Variants in SGK3 observed in about 807,000 individuals in gnomAD.
The protein encoded by SGK3 is serine/threonine-protein kinase Sgk3.
In SGK3, 47 loss-of-function variants were observed where a neutral mutation model predicts 68.5. The ratio of observed to expected loss-of-function variants is 0.69; its 90% CI spans 0.54 to 0.87. SGK3 has a LOEUF of 0.87. Ranked by LOEUF, SGK3 falls within the 40% of genes least tolerant of loss-of-function variation. SGK3 has a pLI of 0.00. For missense variants in SGK3, 479 were observed against 575.5 expected, an observed-to-expected ratio of 0.83 and a Z score of 1.72; for synonymous variants, 181 against 189.1, an observed-to-expected ratio of 0.96 and a Z score of 0.35.
chr8:66,727,187 G>C (rs373329025), intron 1 of SGK3, among the ~76,000 whole-genome samples: 56 of 152,070 alleles, frequency 3.7e-4, no homozygotes, highest in African/African-American at 1.3e-3. Flanking sequence ...CTGCAGCCTC[G>C]ATCTCCTAGG....
chr8:66,846,222 A>G (rs997632548), intron 14 of SGK3, among the ~76,000 whole-genome samples: 3 of 152,126 alleles, frequency 2.0e-5, no homozygotes, highest in African/African-American at 7.2e-5. Flanking sequence ...ACATATTACA[A>G]CCTTGCAGAT....
At chr8:66,779,564 ATATAT>A (rs1208199717) in intron 1 of SGK3, among the ~76,000 whole-genome samples, 4 of 28,152 alleles carry the variant, frequency 1.4e-4, no homozygotes, top group Non-Finnish European at 3.0e-4. Flanking sequence ...GTGTGTGAAT[ATATAT>A]ATATATATAT....
intron 1 of SGK3, among the ~76,000 whole-genome samples, chr8:66,738,588 T>A (rs1805390321): frequency 2.0e-5 from 3 of 151,980 alleles, no homozygotes; most frequent in Admixed American, 2.0e-4. Flanking sequence ...TGGAATACTG[T>A]CCTTCTGTTG....
At chr8:66,825,161 C>T (rs749287530) in intron 6 of SGK3, among the ~76,000 whole-genome samples, 10 of 152,066 alleles carry the variant, frequency 6.6e-5, no homozygotes, top group South Asian at 2.1e-4. Context: ...TGGGTTCTGC[C>T]GCTGTTGGCT....
intron 1 of SGK3, among the ~76,000 whole-genome samples, chr8:66,745,399 G>A (rs374069775): frequency 1.3e-5 from 2 of 151,816 alleles, no homozygotes; most frequent in Non-Finnish European, 2.9e-5. Flanking sequence ...GTGAAACCCC[G>A]TCTCTACTAA....
chr8:66,843,564 C>CAA lies in SGK3; in HGVS notation c.1074+17_1074+18insAA. The CAA allele has an allele frequency of 6.2e-7, 1 of 1,600,258 alleles. No individual in the cohort carries two copies. Among genetic ancestry groups the CAA allele is most frequent in the Non-Finnish European group, 8.5e-7 (1 of 1,170,116 alleles). Reference sequence around the variant, plus strand: ...TATGGATTGGTATGTATTTCTATACCTCATTATTCCAATGTATTATCATTG... The same window carrying CAA: ...TATGGATTGGTATGTATTTCTATACCAATCATTATTCCAATGTATTATCATTG... On this transcript the variant is annotated intron_variant, in intron 14 of 16. Coordinates refer to ENST00000521198, the MANE Select transcript of SGK3 (RefSeq NM_001033578.3).
chr8:66,781,325 T>C (rs923066935), intron 1 of SGK3, among the ~76,000 whole-genome samples: 1 of 152,164 alleles, frequency 6.6e-6, no homozygotes, highest in Non-Finnish European at 1.5e-5. Flanking sequence ...TTTAGGGCCT[T>C]CCTCCTTATC....
chr8:66,763,651 C>T (rs1468230755), intron 1 of SGK3, among the ~76,000 whole-genome samples: 1 of 151,768 alleles, frequency 6.6e-6, no homozygotes, highest in Non-Finnish European at 1.5e-5. Context: ...TATGAATATA[C>T]ATATATTTAT....
chr8:66,800,952 C>T (rs1807920051), intron 3 of SGK3, among the ~76,000 whole-genome samples: 1 of 152,100 alleles, frequency 6.6e-6, no homozygotes, highest in Admixed American at 6.5e-5. Flanking sequence ...GCCACTACAC[C>T]CTTGAGACCC....
chr8:66,745,204 CTT>C (rs1805619260), intron 1 of SGK3, among the ~76,000 whole-genome samples: 1 of 151,480 alleles, frequency 6.6e-6, no homozygotes, highest in Non-Finnish European at 1.5e-5. Flanking sequence ...CACTTTGATC[CTT>C]TATGTTAGAG....
At chr8:66,822,540 A>G in intron 6 of SGK3, 81 bp downstream of exon 6, 1 of 1,317,274 alleles carries the variant, frequency 7.6e-7, no homozygotes, top group Non-Finnish European at 1.1e-6. Context: ...ACTTACTTCA[A>G]ATGAAGTAAT....
Position 66,806,420 on chromosome 8 carries a change from G to A in SGK3, c.253+1973G>A, listed in dbSNP as rs560544578. Among the ~76,000 whole-genome samples, 4 of 152,288 alleles carry A rather than the reference G, an allele frequency of 2.6e-5. No individual in the cohort carries two copies. The South Asian group carries it at 8.3e-4, about 32-fold the overall frequency. ...AACCCATTAATAAAGAGAAGCAAGAGAAAATTGAGTTGGCACAACAAAGCC... is the reference window on the plus strand; with the variant it reads ...AACCCATTAATAAAGAGAAGCAAGAAAAAATTGAGTTGGCACAACAAAGCC... On this transcript the variant is annotated intron_variant, in intron 4 of 16. Transcript: ENST00000521198.
chr8:66,743,734 C>A (rs923696435), intron 1 of SGK3, among the ~76,000 whole-genome samples: 3 of 152,236 alleles, frequency 2.0e-5, no homozygotes, highest in Non-Finnish European at 4.4e-5. Flanking sequence ...ATTGGCCAGG[C>A]TGGTCTCGAA....
intron 8 of SGK3, 27 bp from the exon 9 acceptor site, chr8:66,835,736 G>C: frequency 6.3e-7 from 1 of 1,596,598 alleles, no homozygotes. Flanking sequence ...ATTTCTAATA[G>C]TATACACTAA....
At chr8:66,816,253 T>G (rs1243732191) in intron 5 of SGK3, among the ~76,000 whole-genome samples, 2 of 151,876 alleles carry the variant, frequency 1.3e-5, no homozygotes, top group Admixed American at 1.3e-4. Flanking sequence ...CTGCCCGCCT[T>G]GGCCTCCCAA....
In SGK3 at chr8:66,722,262, G is replaced by GATGTTT. The variant is rs1804815812; in HGVS notation, c.-122+9430_-122+9435dup. 4.6e-5 allele frequency among the ~76,000 whole-genome samples: 7 copies of GATGTTT among 152,162 alleles called. No homozygotes were observed. In the South Asian group the frequency reaches 1.5e-3, roughly 32 times the overall value. ...ACATTATTGGAAAAGCTTTTGTAAG[G>GATGTTT]ATGTTTTTGTTTTTGTTTTTCTTGT... is the stretch of plus-strand genomic sequence containing the variant. On this transcript the variant is annotated intron_variant, in intron 1 of 16. Coordinates refer to ENST00000521198, the MANE Select transcript of SGK3 (RefSeq NM_001033578.3).
At chr8:66,769,143 T>C (rs1401397706) in intron 1 of SGK3, among the ~76,000 whole-genome samples, 3 of 152,210 alleles carry the variant, frequency 2.0e-5, no homozygotes, top group Non-Finnish European at 2.9e-5. Context: ...TCCAACACCA[T>C]CTTTATCTTC....
chr8:66,767,753 GT>G, intron 1 of SGK3: 2 of 1,573,166 alleles, frequency 1.3e-6, no homozygotes, highest in Non-Finnish European at 1.7e-6. Context: ...AAGCTTGGCT[GT>G]TTTTGTTTGA....
rs879156224 is a variant in SGK3, at chr8:66,850,858, G to C, written c.1258G>C (p.Glu420Gln). Reference protein sequence around the residue: ...FLEIQNHPFFESLSWADLVQK... With the variant: ...FLEIQNHPFFQSLSWADLVQK... The stretch of plus-strand genomic sequence containing the variant: ...TGAAATTCAGAATCATCCTTTTTTT[G>C]AATCACTCAGCTGGGCTGACCTTGT... Residue 420 changes from glutamate (E) to glutamine (Q), a missense_variant, in exon 16 of 17, where the codon GAA becomes CAA. Glu to Gln is a conservative substitution (Grantham distance 29). Coordinates refer to ENST00000521198, the MANE Select transcript of SGK3 (RefSeq NM_001033578.3). 12 of 1,607,088 alleles carry C rather than the reference G, an allele frequency of 7.5e-6. No individual in the cohort carries two copies. Among genetic ancestry groups the C allele is most frequent in the African/African-American group, 1.3e-5 (1 of 74,498 alleles).
Sources: allele counts gnomAD v4.1 joint callset (sites outside exome capture counted in the v4.1 genomes callset), GRCh38; gene constraint gnomAD v4.1.1; transcripts MANE v1.5; gene names NCBI Gene and HGNC (gene_info 2026-07-23, HGNC 2026-07-21).